Variants in PCMTD1 observed in about 807,000 individuals in gnomAD.
The protein encoded by PCMTD1 is protein-L-isoaspartate O-methyltransferase domain-containing protein 1.
A neutral mutation model predicts 37.6 loss-of-function variants in PCMTD1; 12 were observed. The observed-to-expected ratio is 0.32, with a 90% CI of 0.20 to 0.52. PCMTD1 has a LOEUF of 0.52. Ranked by LOEUF, PCMTD1 falls within the 20% of genes least tolerant of loss-of-function variation. The pLI, the probability that PCMTD1 is intolerant of heterozygous loss-of-function variation, is 0.97. For synonymous variants in PCMTD1, 117 were observed against 135.8 expected (o/e 0.86, Z 0.96); for missense variants, 235 against 421.3 (o/e 0.56, Z 3.87).
At chr8:51,849,355 T>C (rs1255912104) in intron 2 of PCMTD1, 1 of 152,156 alleles carries the variant, frequency 6.6e-6, no homozygotes, top group Non-Finnish European at 1.5e-5. Flanking sequence ...AAGATGATGA[T>C]ATTAACAGGC....
chr8:51,854,135 T>G (rs1018534305), intron 2 of PCMTD1, among the ~76,000 whole-genome samples: 1 of 152,170 alleles, frequency 6.6e-6, no homozygotes, highest in African/African-American at 2.4e-5. Flanking sequence ...CTGGAGAAAT[T>G]TCTTCCTAAC....
At chr8:51,879,234 A>C (rs2038757877) in intron 1 of PCMTD1, among the ~76,000 whole-genome samples, 1 of 152,168 alleles carries the variant, frequency 6.6e-6, no homozygotes, top group African/African-American at 2.4e-5. Flanking sequence ...GAGGGGAAAA[A>C]AAAAAAAGAA....
At chr8:51,853,426 C>T (rs1239309135) in intron 2 of PCMTD1, among the ~76,000 whole-genome samples, 1 of 151,028 alleles carries the variant, frequency 6.6e-6, no homozygotes, top group African/African-American at 2.4e-5. Flanking sequence ...AGCTCCTACA[C>T]AGGGAGATAG....
At chr8:51,896,136 G>C (rs912130489) in intron 1 of PCMTD1, 1 of 151,770 alleles carries the variant, frequency 6.6e-6, no homozygotes, top group Admixed American at 6.6e-5. Context: ...AGTAGAGACG[G>C]GGTTTTGCCA....
intron 1 of PCMTD1, chr8:51,870,155 A>C (rs765220845): frequency 6.6e-6 from 1 of 152,318 alleles, no homozygotes; most frequent in South Asian, 2.1e-4. Flanking sequence ...TCCTCCTAGC[A>C]CCCAGAGGGA....
intron 2 of PCMTD1, chr8:51,850,072 T>G: frequency 1.4e-6 from 1 of 702,428 alleles, no homozygotes; most frequent in Non-Finnish European, 2.6e-6. Context: ...AGTTGAGGAC[T>G]CTGAGGTCAA....
intron 1 of PCMTD1, among the ~76,000 whole-genome samples, chr8:51,861,986 T>A (rs181190940): frequency 5.6e-4 from 85 of 152,320 alleles, no homozygotes; most frequent in Non-Finnish European, 9.4e-4. Context: ...AGTGCTGGGA[T>A]AACAGGCGTA....
chr8:51,878,024 G>C (rs750706318), intron 1 of PCMTD1, among the ~76,000 whole-genome samples: 27 of 152,000 alleles, frequency 1.8e-4, no homozygotes, highest in Non-Finnish European at 2.4e-4. Flanking sequence ...CTAAGCAAAG[G>C]GTATACTGGA....
At chr8:51,867,638 TGTCATTTGCAA>T (rs2038576371) in intron 1 of PCMTD1, among the ~76,000 whole-genome samples, 2 of 152,036 alleles carry the variant, frequency 1.3e-5, no homozygotes, top group African/African-American at 2.4e-5. Context: ...AGGGTAATTC[TGTCATTTGCAA>T]TAACATGTAT....
At chr8:51,822,260 C>T (rs1008942214) in intron 5 of PCMTD1, among the ~76,000 whole-genome samples, 14 of 152,022 alleles carry the variant, frequency 9.2e-5, no homozygotes, top group Admixed American at 9.2e-4. Flanking sequence ...TATGAACACA[C>T]TCTGACGGAG....
At chr8:51,840,831 G>T (rs780725878) in intron 3 of PCMTD1, among the ~76,000 whole-genome samples, 1 of 151,918 alleles carries the variant, frequency 6.6e-6, no homozygotes, top group Non-Finnish European at 1.5e-5. Context: ...ACCCATCCCT[G>T]ACCCCAATAA....
rs199751094 is a variant in PCMTD1, at chr8:51,831,508, A to G, written c.642T>C (p.Val214=). The G allele has an allele frequency of 1.2e-6, 2 of 1,613,876 alleles. No homozygotes were observed. The highest frequency in any genetic ancestry group is 2.2e-5 in the South Asian group (2 of 91,050). ...NTWESKNILA[V]SFAPLVQPSK... ...TTGGTTGCACAAGTGGAGCAAATGA[A>G]ACAGCAAGGATATTTTTACTTTCCC... Residue 214 remains valine (V), a synonymous_variant, in exon 5 of 6, where the codon GTT becomes GTC. Coordinates refer to ENST00000522514, the MANE Select transcript of PCMTD1 (RefSeq NM_052937.4).
intron 5 of PCMTD1, chr8:51,827,100 T>C: frequency 2.0e-6 from 2 of 1,000,992 alleles, no homozygotes; most frequent in Non-Finnish European, 2.4e-6. Context: ...TTAACTTACT[T>C]CTACACACCC....
intron 1 of PCMTD1, among the ~76,000 whole-genome samples, chr8:51,875,174 A>C (rs1310102419): frequency 6.6e-6 from 1 of 152,222 alleles, no homozygotes; most frequent in Non-Finnish European, 1.5e-5. Context: ...ACTTACAGTA[A>C]CTAATATGAC....
In PCMTD1 at chr8:51,846,078, T is replaced by G. The variant is rs141079075; in HGVS notation, c.308-315A>C. 1.1e-3 allele frequency among the ~76,000 whole-genome samples: 173 copies of G among 152,350 alleles called. 2 individuals are homozygous for G. The highest frequency in any genetic ancestry group is 3.8e-3 in the African/African-American group (160 of 41,596). On this transcript the variant is annotated intron_variant, in intron 2 of 5. Transcript: ENST00000522514. ...AAAACTGCCAAAAGAATAGTATTTCTAAGTGAAGTTTAAGTTACTTGCTAT... is the reference window on the plus strand; with the variant it reads ...AAAACTGCCAAAAGAATAGTATTTCGAAGTGAAGTTTAAGTTACTTGCTAT...
At chr8:51,872,824 T>A (rs1358925612) in intron 1 of PCMTD1, among the ~76,000 whole-genome samples, 1 of 152,234 alleles carries the variant, frequency 6.6e-6, no homozygotes, top group African/African-American at 2.4e-5. Flanking sequence ...ACTCTTTCCA[T>A]ATATTAATGT....
chr8:51,899,117 GAGAA>G (rs1314391632), upstream of PCMTD1: 7 of 1,434,562 alleles, frequency 4.9e-6, no homozygotes, highest in Non-Finnish European at 6.4e-6. Context: ...GGCATGCGCA[GAGAA>G]CCACGGGCAC....
chr8:51,881,410 G>A (rs2038789871), intron 1 of PCMTD1, among the ~76,000 whole-genome samples: 1 of 152,090 alleles, frequency 6.6e-6, no homozygotes, highest in South Asian at 2.1e-4. Flanking sequence ...GGCTCCACAA[G>A]GGTCCTTCTT....
chr8:51,823,717 C>T (rs549848144), intron 5 of PCMTD1, among the ~76,000 whole-genome samples: 188 of 152,222 alleles, frequency 1.2e-3, no homozygotes, highest in Non-Finnish European at 1.9e-3. Context: ...CATCCTGATA[C>T]CAAAACCTGG....
Sources: gnomAD v4.1 joint callset for allele counts (sites outside exome capture counted in the v4.1 genomes callset) on GRCh38, gnomAD v4.1.1 for gene constraint, MANE v1.5 for transcripts, NCBI Gene and HGNC (gene_info 2026-07-23, HGNC 2026-07-21) for gene names.